ZNF630: variants seen among roughly 807,000 people sequenced by gnomAD.
ZNF630 encodes the protein dJ54B20.2 (novel KRAB box containing C2H2 type zinc finger protein).
Under a neutral mutation model 7.2 loss-of-function variants are expected in ZNF630, and 5 were observed. The observed-to-expected ratio is 0.70, with a 90% CI of 0.36 to 1.46. ZNF630 has a LOEUF of 1.46. ZNF630 is among the 40% of genes most tolerant of loss of function. The pLI, the probability that ZNF630 is intolerant of heterozygous loss-of-function variation, is 0.03. For synonymous variants in ZNF630, 158 were observed against 162.8 expected (o/e 0.97, Z 0.23); for missense variants, 461 against 477.0 (o/e 0.97, Z 0.31).
In ZNF630 at chrX:48,059,484, C is replaced by T; in HGVS notation, c.958G>A (p.Glu320Lys). The T allele has an allele frequency of 8.3e-7, 1 of 1,207,972 alleles. No homozygotes were observed. Among genetic ancestry groups the T allele is most frequent in the Non-Finnish European group, 1.1e-6 (1 of 893,176 alleles). ...QRIHTGEKPY[E>K]CTKYGRAFSR... ...AATGCTCTTCCATACTTAGTACATT[C>T]ATAGGGTTTCTCCCCAGTATGAATC... is the stretch of plus-strand genomic sequence containing the variant. The change falls in exon 5 of 5, where the codon GAA becomes AAA. Residue 320 changes from glutamate (E) to lysine (K), a missense_variant. Physicochemically the swap from Glu to Lys is moderately conservative, Grantham distance 56 (BLOSUM62 1). Transcript: ENST00000276054.
chrX:48,068,192 AAGG>A lies in ZNF630; in HGVS notation c.-175-1134_-175-1132del, dbSNP rs1375163044. ...GAAGGAAGGAAGGAAGGAAGGAAGGAAGGAAGGAAAGAAAAGAAAAGAAAAGAA... is the reference window on the plus strand; with the variant it reads ...GAAGGAAGGAAGGAAGGAAGGAAGGAAAGGAAAGAAAAGAAAAGAAAAGAA... On this transcript the variant is annotated intron_variant, in intron 1 of 4. Transcript: ENST00000276054. Among the ~76,000 whole-genome samples the A allele has an allele frequency of 6.9e-4, 57 of 82,807 alleles. 1 individual carries two copies. Among genetic ancestry groups the A allele is most frequent in the African/African-American group, 2.2e-3 (45 of 20,453 alleles). 71.9% of individuals were successfully genotyped at this position (82,807 alleles called of 115,157 possible).
intron 1 of ZNF630, among the ~76,000 whole-genome samples, chrX:48,070,105 G>A (rs1665410676): frequency 1.9e-5 from 2 of 107,264 alleles, no homozygotes; most frequent in East Asian, 3.0e-4. Context: ...TGATCCGGCC[G>A]CCTCGGCCTC....
Position 48,066,897 on chromosome X carries a change from T to C in ZNF630, c.-11A>G, listed in dbSNP as rs2059133458. The C allele has an allele frequency of 2.2e-5, 27 of 1,205,594 alleles. No individual in the cohort carries two copies. Among genetic ancestry groups the C allele is most frequent in the Non-Finnish European group, 2.8e-5 (25 of 892,329 alleles). ...CTGGGACTCAATCATTTTCTGTTTC[T>C]CTTTGGAAAGCAGTTGGGGGCGGGG... On this transcript the variant is annotated 5_prime_UTR_variant, in exon 2 of 5. Coordinates refer to ENST00000276054, the MANE Select transcript of ZNF630 (RefSeq NM_001282201.2).
chrX:48,067,255 G>T (rs1270274781), intron 1 of ZNF630, among the ~76,000 whole-genome samples, 194 bp from the exon 2 acceptor site: 1 of 112,095 alleles, frequency 8.9e-6, no homozygotes, highest in Non-Finnish European at 1.9e-5. Flanking sequence ...CAAATGTAAA[G>T]TATGGTCTTG....
Position 48,058,474 on chromosome X carries a change from T to A in ZNF630, c.1968A>T (p.Ile656=). ...QNPYRKDTLY[I]C ...GGAATAGGCCTTCCCACAATCAGCATATATACAAGGTGTCTTTCCTATATG... is the reference window on the plus strand; with the variant it reads ...GGAATAGGCCTTCCCACAATCAGCAAATATACAAGGTGTCTTTCCTATATG... Residue 656 remains isoleucine, a synonymous_variant, in exon 5 of 5, where the codon ATA becomes ATT. Coordinates refer to ENST00000276054, the MANE Select transcript of ZNF630 (RefSeq NM_001282201.2). 1 of 1,162,754 alleles carries A rather than the reference T, an allele frequency of 8.6e-7. No individual in the cohort carries two copies. The highest frequency in any genetic ancestry group is 2.1e-5 in the South Asian group (1 of 48,472).
In ZNF630 at chrX:48,066,876, G is replaced by T. The variant is rs782268870; in HGVS notation, c.11C>A (p.Ser4Tyr). 15 of 1,205,380 alleles carry T rather than the reference G, an allele frequency of 1.2e-5. No individual in the cohort carries two copies. The highest frequency in any genetic ancestry group is 6.6e-5 in the Admixed American group (3 of 45,425). MIESQEPVTFEDVA... is the reference protein window; with the variant it reads MIEYQEPVTFEDVA... ...AGTGGCAAACAAATAACTTACCTGGGACTCAATCATTTTCTGTTTCTCTTT... is the reference window on the plus strand; with the variant it reads ...AGTGGCAAACAAATAACTTACCTGGTACTCAATCATTTTCTGTTTCTCTTT... The change falls in exon 2 of 5, where the codon TCC becomes TAC. Residue 4 changes from serine (S) to tyrosine (Y), a missense_variant. Transcript: ENST00000276054.
chrX:48,059,081 G>A lies in ZNF630; in HGVS notation c.1361C>T (p.Thr454Ile), dbSNP rs1556908442. 5 of 1,208,557 alleles carry A rather than the reference G, an allele frequency of 4.1e-6. No individual in the cohort carries two copies. Among genetic ancestry groups the A allele is most frequent in the East Asian group, 3.0e-5 (1 of 33,782 alleles). Residue 454 changes from threonine to isoleucine, a missense_variant, in exon 5 of 5, where the codon ACA becomes ATA. Coordinates refer to ENST00000276054, the MANE Select transcript of ZNF630 (RefSeq NM_001282201.2). ...SHLIGHQRIHTGEKPYVCTDC... is the reference protein window; with the variant it reads ...SHLIGHQRIHIGEKPYVCTDC... Reference sequence around the variant, plus strand: ...AGTACACACATAAGGTTTTTCTCCTGTATGAATTCTTTGATGTCCTATGAG... The same window carrying A: ...AGTACACACATAAGGTTTTTCTCCTATATGAATTCTTTGATGTCCTATGAG...
intron 2 of ZNF630, among the ~76,000 whole-genome samples, chrX:48,063,507 G>T (rs1417159906): frequency 9.0e-6 from 1 of 111,528 alleles, no homozygotes; most frequent in Non-Finnish European, 1.9e-5. Context: ...GGCTAATGGT[G>T]GCAGGAGGGA....
chrX:48,069,591 C>G (rs782335106), intron 1 of ZNF630, among the ~76,000 whole-genome samples: 15 of 111,366 alleles, frequency 1.3e-4, no homozygotes, highest in African/African-American at 4.9e-4. Flanking sequence ...TATTAACTCA[C>G]TTCTCATCCC....
chrX:48,061,731 G>A (rs188151414), intron 2 of ZNF630: 20 of 320,045 alleles, frequency 6.2e-5, no homozygotes, highest in South Asian at 1.1e-4. Flanking sequence ...TATTATAAGC[G>A]TCTGGCATTT....
chrX:48,060,945 C>T lies in ZNF630; in HGVS notation c.16G>A (p.Glu6Lys). The change falls in exon 3 of 5, where the codon GAA becomes AAA. Residue 6 changes from glutamate (E) to lysine (K), a missense_variant and splice_region_variant. By Grantham distance (56) the Glu-to-Lys change is moderately conservative. Coordinates refer to ENST00000276054, the MANE Select transcript of ZNF630 (RefSeq NM_001282201.2). ...GCCACATCCTCAAATGTCACTGGTTCCTATAACAGCACATTCCTGTACAAT... is the reference window on the plus strand; with the variant it reads ...GCCACATCCTCAAATGTCACTGGTTTCTATAACAGCACATTCCTGTACAAT... MIESQ[E>K]PVTFEDVAVD... The T allele has an allele frequency of 8.3e-7, 1 of 1,197,692 alleles. No homozygotes were observed. The highest frequency in any genetic ancestry group is 1.1e-6 in the Non-Finnish European group (1 of 886,923).
At position 48,060,008 on chromosome X, in the gene ZNF630, T is replaced by A. The variant is rs1034364956; in HGVS notation, c.434A>T (p.Glu145Val). ...GGAACCCATCTCATCAGTCAATGTT[T>A]CACGACTGATGACTGTGACCTGCCT... is the stretch of plus-strand genomic sequence containing the variant. ...VLRQVTVISR[E>V]TLTDEMGSKY... is the part of the protein sequence containing the mutation. The change falls in exon 5 of 5, where the codon GAA (glutamate) becomes GTA (valine). Residue 145 changes from glutamate (E) to valine (V), a missense_variant. Glu to Val is a moderately radical substitution (Grantham distance 121). Coordinates refer to ENST00000276054, the MANE Select transcript of ZNF630 (RefSeq NM_001282201.2). 1 of 1,206,020 alleles carries A rather than the reference T, an allele frequency of 8.3e-7. No individual in the cohort carries two copies. Among genetic ancestry groups the A allele is most frequent in the African/African-American group, 1.8e-5 (1 of 56,620 alleles).
Position 48,058,498 on chromosome X carries a change from T to C in ZNF630, c.1944A>G (p.Pro648=). 2 of 1,192,580 alleles carry C rather than the reference T, an allele frequency of 1.7e-6. No homozygotes were observed. The highest frequency in any genetic ancestry group is 2.3e-6 in the Non-Finnish European group (2 of 886,984). Residue 648 remains proline (P), a synonymous_variant, in exon 5 of 5, where the codon CCA becomes CCG. Coordinates refer to ENST00000276054, the MANE Select transcript of ZNF630 (RefSeq NM_001282201.2). ...ATATATACAAGGTGTCTTTCCTATA[T>C]GGATTCTGATGCCCAGTAAAGTATA... ...QHVYFTGHQN[P]YRKDTLYIC
At chrX:48,066,058 G>A (rs539617645) in intron 2 of ZNF630, among the ~76,000 whole-genome samples, 3 of 111,149 alleles carry the variant, frequency 2.7e-5, no homozygotes, top group Non-Finnish European at 3.8e-5. Context: ...GTAGCAGAAC[G>A]GAATAGAAAC....
chrX:48,068,320 G>A (rs2059143658), intron 1 of ZNF630, among the ~76,000 whole-genome samples: 2 of 111,052 alleles, frequency 1.8e-5, no homozygotes, highest in African/African-American at 3.3e-5. Flanking sequence ...AGGGCATTCC[G>A]GGAGGAAGAA....
intron 2 of ZNF630, among the ~76,000 whole-genome samples, chrX:48,064,125 A>G (rs956993683): frequency 1.8e-5 from 2 of 110,784 alleles, no homozygotes. Context: ...AATGGGAATA[A>G]CAATGGTACC....
rs1556908782 is a variant in ZNF630 at position 48,059,853 on chromosome X, T to G, written c.589A>C (p.Ser197Arg). The G allele has an allele frequency of 5.8e-6, 7 of 1,208,239 alleles. No homozygotes were observed. The highest frequency in any genetic ancestry group is 3.0e-5 in the East Asian group (1 of 33,776). ...TTAGTGGGGTTCTTTCTTGCATAGCTCCTGTTATAATTTAGTAAGTCTGAA... is the reference window on the plus strand; with the variant it reads ...TTAGTGGGGTTCTTTCTTGCATAGCGCCTGTTATAATTTAGTAAGTCTGAA... ...SNSDLLNYNR[S>R]YARKNPTKRF... Residue 197 changes from serine to arginine, a missense_variant, in exon 5 of 5, where the codon AGC (serine) becomes CGC (arginine). Ser to Arg is a moderately radical substitution (Grantham distance 110). Coordinates refer to ENST00000276054, the MANE Select transcript of ZNF630 (RefSeq NM_001282201.2).
intron 1 of ZNF630, among the ~76,000 whole-genome samples, chrX:48,068,225 G>T (rs934275712): frequency 3.4e-5 from 1 of 29,027 alleles, no homozygotes; most frequent in African/African-American, 9.4e-5. Context: ...AAAGAAAAAA[G>T]AAAAGAAAAG....
chrX:48,065,507 G>A (rs1383309968), intron 2 of ZNF630, among the ~76,000 whole-genome samples: 1 of 107,588 alleles, frequency 9.3e-6, no homozygotes, highest in Non-Finnish European at 1.9e-5. Context: ...GAGGAAGGAA[G>A]GAAGGAAGGC....
Sources: allele counts gnomAD v4.1 joint callset (sites outside exome capture counted in the v4.1 genomes callset), GRCh38; gene constraint gnomAD v4.1.1; transcripts MANE v1.5; gene names NCBI Gene and HGNC (gene_info 2026-07-23, HGNC 2026-07-21).